NAALADL2: variants seen among roughly 807,000 people sequenced by gnomAD.
NAALADL2 encodes the protein N-acetylated alpha-linked acidic dipeptidase like 2.
A neutral mutation model predicts 87.2 loss-of-function variants in NAALADL2; 76 were observed. That is an observed-to-expected ratio of 0.87 (90% CI 0.72 to 1.05). NAALADL2 has a LOEUF of 1.05. NAALADL2 is among the 50% of genes least tolerant of loss of function. The pLI, the probability that NAALADL2 is intolerant of heterozygous loss-of-function variation, is 0.00. For synonymous variants in NAALADL2, 354 were observed against 331.0 expected (o/e 1.07, Z -0.75); for missense variants, 1,089 against 945.8 (o/e 1.15, Z -1.99).
intron 5 of NAALADL2, among the ~76,000 whole-genome samples, chr3:175,420,619 G>A (rs1203605507): frequency 6.6e-6 from 1 of 151,906 alleles, no homozygotes; most frequent in African/African-American, 2.4e-5. Context: ...TTCTTGAAAA[G>A]ATAATTGTTT....
chr3:175,261,420 G>T lies in NAALADL2; in HGVS notation c.939+4890G>T, dbSNP rs557028668. On this transcript the variant is annotated intron_variant, in intron 4 of 13. Coordinates refer to ENST00000454872, the MANE Select transcript of NAALADL2 (RefSeq NM_207015.3). The stretch of plus-strand genomic sequence containing the variant: ...AAGGAAATCCCTCTGAAACATGGAG[G>T]TTGGGCTGTTGTCTAAATCCACAGT... Among the ~76,000 whole-genome samples the T allele has an allele frequency of 7.2e-5, 11 of 152,216 alleles. No homozygotes were observed. In the East Asian group the frequency reaches 2.1e-3, roughly 29 times the overall value.
intron 5 of NAALADL2, among the ~76,000 whole-genome samples, chr3:175,357,731 C>A (rs190078153): frequency 6.6e-6 from 1 of 152,166 alleles, no homozygotes; most frequent in East Asian, 1.9e-4. Flanking sequence ...GTCTTCTTTG[C>A]GTAAAAAATT....
chr3:174,487,720 A>G (rs1217139704), intron 1 of NAALADL2, among the ~76,000 whole-genome samples: 1 of 151,714 alleles, frequency 6.6e-6, no homozygotes. Context: ...AACAATAGTA[A>G]GTAGTACAGA....
intron 3 of NAALADL2, among the ~76,000 whole-genome samples, chr3:174,803,730 C>T (rs2109261410): frequency 6.6e-6 from 1 of 152,222 alleles, no homozygotes; most frequent in Admixed American, 6.5e-5. Context: ...ATAGGGAATC[C>T]TTTTCCCATT....
At chr3:174,594,177 A>G (rs981816164) in intron 2 of NAALADL2, among the ~76,000 whole-genome samples, 1 of 152,192 alleles carries the variant, frequency 6.6e-6, no homozygotes, top group Non-Finnish European at 1.5e-5. Context: ...GGGCATAATA[A>G]TTGCCAATAT....
At chr3:175,289,432 A>T (rs1434015271) in intron 4 of NAALADL2, among the ~76,000 whole-genome samples, 1 of 152,124 alleles carries the variant, frequency 6.6e-6, no homozygotes, top group Admixed American at 6.5e-5. Context: ...GAAAGGTGCC[A>T]AAAAGAGAGA....
At chr3:175,322,023 T>C (rs1759957256) in intron 4 of NAALADL2, among the ~76,000 whole-genome samples, 2 of 151,868 alleles carry the variant, frequency 1.3e-5, no homozygotes, top group South Asian at 4.2e-4. Context: ...AGAGCCCGCA[T>C]CACCAAGTCA....
intron 2 of NAALADL2, among the ~76,000 whole-genome samples, chr3:174,568,059 C>A (rs1321250504): frequency 6.6e-6 from 1 of 151,612 alleles, no homozygotes; most frequent in Admixed American, 6.6e-5. Context: ...GTAGTGTCTA[C>A]CTGTGAGGAT....
At chr3:175,076,848 G>T (rs1383290722) in intron 1 of NAALADL2, among the ~76,000 whole-genome samples, 1 of 152,140 alleles carries the variant, frequency 6.6e-6, no homozygotes, top group Non-Finnish European at 1.5e-5. Context: ...CTGTTTATGT[G>T]CAAAGATATT....
chr3:175,681,815 G>T (rs562021809), intron 11 of NAALADL2, among the ~76,000 whole-genome samples: 42 of 152,272 alleles, frequency 2.8e-4, no homozygotes, highest in Non-Finnish European at 4.4e-4. Context: ...CTCAATGCTT[G>T]AAGACAGGGG....
intron 2 of NAALADL2, among the ~76,000 whole-genome samples, chr3:175,190,922 G>C (rs2109054086): frequency 6.7e-6 from 1 of 148,670 alleles, no homozygotes; most frequent in East Asian, 2.0e-4. Flanking sequence ...AGCTTGCAGT[G>C]AGCCGAGATG....
intron 1 of NAALADL2, among the ~76,000 whole-genome samples, chr3:174,524,286 A>T (rs1449966661): frequency 6.6e-6 from 1 of 152,186 alleles, no homozygotes; most frequent in African/African-American, 2.4e-5. Context: ...TAATGAAATG[A>T]TAATATTTAT....
chr3:174,583,079 T>C (rs1352808846), intron 2 of NAALADL2, among the ~76,000 whole-genome samples: 1 of 152,180 alleles, frequency 6.6e-6, no homozygotes, highest in Non-Finnish European at 1.5e-5. Flanking sequence ...TTGCCACCTG[T>C]CAATGAAACA....
chr3:174,979,068 A>G (rs960743776), intron 1 of NAALADL2, among the ~76,000 whole-genome samples: 1 of 152,118 alleles, frequency 6.6e-6, no homozygotes, highest in African/African-American at 2.4e-5. Context: ...TTTAATCCAT[A>G]AAAGAAAAGG....
At chr3:175,480,147 T>C (rs926289961) in intron 9 of NAALADL2, among the ~76,000 whole-genome samples, 1 of 151,806 alleles carries the variant, frequency 6.6e-6, no homozygotes, top group Admixed American at 6.6e-5. Flanking sequence ...TATTTCTAGG[T>C]GCCTCTGGTT....
intron 2 of NAALADL2, among the ~76,000 whole-genome samples, chr3:174,710,551 AC>A (rs1262736961): frequency 2.0e-5 from 3 of 151,804 alleles, no homozygotes; most frequent in Non-Finnish European, 2.9e-5. Flanking sequence ...ACCGCCTCCG[AC>A]CCTCATATGA....
At chr3:174,976,681 C>T (rs1744401901) in intron 1 of NAALADL2, among the ~76,000 whole-genome samples, 2 of 152,196 alleles carry the variant, frequency 1.3e-5, no homozygotes, top group Admixed American at 1.3e-4. Flanking sequence ...AGAGAAACTA[C>T]CATCAAATAC....
intron 1 of NAALADL2, among the ~76,000 whole-genome samples, chr3:174,928,403 C>A (rs6801825): frequency 0.12 from 17,539 of 152,012 alleles, 1,128 homozygotes; most frequent in African/African-American, 0.15. Flanking sequence ...CTATGCCCAG[C>A]TAATTTTTTT....
intron 11 of NAALADL2, among the ~76,000 whole-genome samples, chr3:175,690,734 C>T (rs1215648734): frequency 2.0e-5 from 3 of 151,842 alleles, no homozygotes; most frequent in Non-Finnish European, 1.5e-5. Context: ...AATTTTCTGG[C>T]AATTGAAGGA....
Sources: allele counts gnomAD v4.1 joint callset (sites outside exome capture counted in the v4.1 genomes callset), GRCh38; gene constraint gnomAD v4.1.1; transcripts MANE v1.5; gene names NCBI Gene and HGNC (gene_info 2026-07-23, HGNC 2026-07-21).